SIPA1L3: variants seen among roughly 807,000 people sequenced by gnomAD.
SIPA1L3 encodes signal induced proliferation associated 1 like 3, also known as signal-induced proliferation-associated 1-like protein 3.
In SIPA1L3, 59 loss-of-function variants were observed where a neutral mutation model predicts 150.1. The ratio of observed to expected loss-of-function variants is 0.39; its 90% CI spans 0.32 to 0.49. The LOEUF (loss-of-function observed/expected upper bound fraction) is 0.49. Ranked by LOEUF, SIPA1L3 falls within the 20% of genes least tolerant of loss-of-function variation. The pLI is 0.86. For synonymous variants in SIPA1L3, 1,070 were observed against 1,077.6 expected (o/e 0.99, Z 0.14); for missense variants, 2,211 against 2,489.5 (o/e 0.89, Z 2.38).
chr19:37,997,651 G>A (rs538655897), intron 1 of SIPA1L3, among the ~76,000 whole-genome samples: 153 of 149,528 alleles, frequency 1.0e-3, no homozygotes, highest in African/African-American at 3.5e-3. Flanking sequence ...GGTGGATCAC[G>A]AGGTCAAGAG....
chr19:38,035,207 C>A (rs759104317), intron 2 of SIPA1L3, among the ~76,000 whole-genome samples: 1 of 152,206 alleles, frequency 6.6e-6, no homozygotes, highest in Non-Finnish European at 1.5e-5. Context: ...GAAACTCTCA[C>A]GACAGCTCTC....
At chr19:38,044,800 A>G (rs1380221689) in intron 2 of SIPA1L3, among the ~76,000 whole-genome samples, 1 of 152,128 alleles carries the variant, frequency 6.6e-6, no homozygotes, top group Non-Finnish European at 1.5e-5. Flanking sequence ...CTGTCCCCAG[A>G]TGATGATGGG....
Position 38,082,389 on chromosome 19 carries a change from A to G in SIPA1L3, c.824A>G (p.Gln275Arg), listed in dbSNP as rs868236898. 1.3e-6 allele frequency: 2 copies of G among 1,599,064 alleles called. No individual in the cohort carries two copies. Among genetic ancestry groups the G allele is most frequent in the Admixed American group, 1.7e-5 (1 of 59,286 alleles). ...GCCAAGGACAGCCTCCTGCCACTGC[A>G]GCCCACGAAGGAGAAGGAGAAGGCC... ...QPAKDSLLPL[Q>R]PTKEKEKARK... The change falls in exon 3 of 22, where the codon CAG (glutamine) becomes CGG (arginine). Residue 275 changes from glutamine (Q) to arginine (R), a missense_variant. This residue lies in a region of SIPA1L3 where 587 missense variants were observed against 534.5 expected (regional missense o/e 1.10). Coordinates refer to ENST00000222345, the MANE Select transcript of SIPA1L3 (RefSeq NM_015073.3).
chr19:37,944,012 C>A (rs1489508932), intron 1 of SIPA1L3, among the ~76,000 whole-genome samples: 1 of 152,188 alleles, frequency 6.6e-6, no homozygotes, highest in East Asian at 1.9e-4. Context: ...ATGGGCCGGA[C>A]ACGCCTGTAA....
chr19:37,943,012 T>TTC (rs4007702), intron 1 of SIPA1L3, among the ~76,000 whole-genome samples: 41 of 102,008 alleles, frequency 4.0e-4, no homozygotes, highest in East Asian at 9.8e-4. Context: ...CCCAGCCTCT[T>TTC]TCTCTCTCTC....
chr19:38,206,342 C>T lies in SIPA1L3; in HGVS notation c.*102C>T, dbSNP rs1041928790. ...CCAGCTGCCGGTGTGACCAAGATGA[C>T]CCATCCAGGGCCCTCCCCATGGACA... On this transcript the variant is annotated 3_prime_UTR_variant, in exon 22 of 22. Coordinates refer to ENST00000222345, the MANE Select transcript of SIPA1L3 (RefSeq NM_015073.3). The T allele has an allele frequency of 7.3e-6, 10 of 1,370,182 alleles. No individual in the cohort carries two copies. The highest frequency in any genetic ancestry group is 9.8e-6 in the Non-Finnish European group (10 of 1,017,238). The allele number at this position is 1,370,182 out of a possible 1,614,324, so 84.9% of individuals were successfully genotyped here.
chr19:37,927,756 G>A (rs751573737), intron 1 of SIPA1L3, among the ~76,000 whole-genome samples: 10 of 150,472 alleles, frequency 6.6e-5, no homozygotes, highest in African/African-American at 1.7e-4. Flanking sequence ...GTACGTGTAC[G>A]CAATGTTTAG....
intron 13 of SIPA1L3, among the ~76,000 whole-genome samples, chr19:38,160,682 G>A (rs60625383): frequency 0.075 from 11,301 of 150,686 alleles, 1,256 homozygotes; most frequent in African/African-American, 0.24. Flanking sequence ...GATTACAGGC[G>A]TGAGCCACCG....
At chr19:38,189,583 T>C (rs1251984013) in intron 16 of SIPA1L3, among the ~76,000 whole-genome samples, 1 of 151,998 alleles carries the variant, frequency 6.6e-6, no homozygotes, top group Non-Finnish European at 1.5e-5. Context: ...CTGGCCAACG[T>C]GGTGAAACCC....
intron 21 of SIPA1L3, 78 bp from the exon 22 acceptor site, chr19:38,206,019 A>G (rs2146080960): frequency 7.0e-7 from 1 of 1,433,998 alleles, no homozygotes; most frequent in Non-Finnish European, 9.2e-7. Context: ...GCCAGGGCTC[A>G]CAGGCCTCAG....
chr19:38,073,710 G>T (rs894094053), intron 2 of SIPA1L3, among the ~76,000 whole-genome samples: 3 of 152,204 alleles, frequency 2.0e-5, no homozygotes, highest in African/African-American at 7.2e-5. Flanking sequence ...AAGCCCTGGA[G>T]GGAAGAAACC....
chr19:37,953,609 G>A (rs973203533), intron 1 of SIPA1L3, among the ~76,000 whole-genome samples: 13 of 152,166 alleles, frequency 8.5e-5, no homozygotes, highest in African/African-American at 2.9e-4. Context: ...CCTTTTACTC[G>A]AATGAAAGGA....
At chr19:38,084,192 G>C (rs1040315995) in intron 3 of SIPA1L3, among the ~76,000 whole-genome samples, 3 of 152,084 alleles carry the variant, frequency 2.0e-5, no homozygotes, top group Non-Finnish European at 2.9e-5. Flanking sequence ...CTGCTGGAGT[G>C]CCAGGCGTCA....
chr19:38,061,176 C>T (rs1473520329), intron 2 of SIPA1L3, among the ~76,000 whole-genome samples: 9 of 151,768 alleles, frequency 5.9e-5, no homozygotes, highest in Non-Finnish European at 1.5e-5. Flanking sequence ...CAGGACAATG[C>T]GGCACATGCC....
chr19:37,979,028 A>G (rs1258626547), intron 1 of SIPA1L3, among the ~76,000 whole-genome samples: 1 of 152,082 alleles, frequency 6.6e-6, no homozygotes, highest in East Asian at 1.9e-4. Context: ...CCTTCACAGA[A>G]GCAGCCACTG....
At chr19:37,938,541 G>T (rs547229675) in intron 1 of SIPA1L3, among the ~76,000 whole-genome samples, 1 of 152,094 alleles carries the variant, frequency 6.6e-6, no homozygotes, top group East Asian at 1.9e-4. Flanking sequence ...AGACTAGTAA[G>T]GCAGAATATC....
chr19:37,951,631 G>A (rs991043939), intron 1 of SIPA1L3, among the ~76,000 whole-genome samples: 5 of 152,076 alleles, frequency 3.3e-5, no homozygotes, highest in Non-Finnish European at 2.9e-5. Flanking sequence ...AGGCGCAGCG[G>A]CTCACACCTG....
In SIPA1L3 at chr19:38,082,683, C is replaced by T. The variant is rs780730082; in HGVS notation, c.1118C>T (p.Ser373Leu). 6.2e-7 allele frequency: 1 copy of T among 1,608,914 alleles called. No individual in the cohort carries two copies. Among genetic ancestry groups the T allele is most frequent in the Non-Finnish European group, 8.5e-7 (1 of 1,178,992 alleles). The change falls in exon 3 of 22, where the codon TCG (serine) becomes TTG (leucine). Residue 373 changes from serine (S) to leucine (L), a missense_variant. Ser to Leu is a moderately radical substitution (Grantham distance 145, BLOSUM62 -2). Transcript: ENST00000222345. ...CGGCGGAACACCACCACGGGTGCTT[C>T]GGCCGCTTCCGCCGCCTCGGCCATG... Reference protein sequence around the residue: ...SQRRNTTTGASAASAASAMAS... With the variant: ...SQRRNTTTGALAASAASAMAS...
intron 2 of SIPA1L3, among the ~76,000 whole-genome samples, chr19:38,049,457 T>C (rs1969139427): frequency 6.6e-6 from 1 of 152,218 alleles, no homozygotes. Context: ...TGAACAGTTG[T>C]ACATGCTGTA....
Sources: allele counts gnomAD v4.1 joint callset (sites outside exome capture counted in the v4.1 genomes callset), GRCh38; gene constraint gnomAD v4.1.1; regional missense constraint gnomAD v4.1.1; transcripts MANE v1.5; gene names NCBI Gene and HGNC (gene_info 2026-07-23, HGNC 2026-07-21).